Variants in CSMD1 observed in about 807,000 individuals in gnomAD.
CSMD1 encodes the protein CUB and sushi domain-containing protein 1.
In CSMD1, 213 loss-of-function variants were observed where a neutral mutation model predicts 417.5. That is an observed-to-expected ratio of 0.51 (90% confidence interval 0.46 to 0.57). The LOEUF (loss-of-function observed/expected upper bound fraction) is 0.57. CSMD1 is among the 20% of genes least tolerant of loss of function. CSMD1 has a pLI of 0.00. For missense variants in CSMD1, 6,923 were observed against 4,529.7 expected (o/e 1.53, Z -15.17); for synonymous variants, 2,862 against 1,736.8 (o/e 1.65, Z -16.11).
At chr8:3,241,518 CAGAG>C (rs1170361643) in intron 26 of CSMD1, among the ~76,000 whole-genome samples, 1 of 152,152 alleles carries the variant, frequency 6.6e-6, no homozygotes, top group African/African-American at 2.4e-5. Flanking sequence ...AGGAGTGAGT[CAGAG>C]AGTCTTGGGC....
chr8:3,157,651 G>A (rs116246997), intron 39 of CSMD1, among the ~76,000 whole-genome samples: 2 of 152,314 alleles, frequency 1.3e-5, no homozygotes, highest in Non-Finnish European at 2.9e-5. Context: ...GGCCGTGAGC[G>A]GGCAGTCTTG....
chr8:4,538,517 C>T (rs1797222503), intron 2 of CSMD1, among the ~76,000 whole-genome samples: 1 of 151,980 alleles, frequency 6.6e-6, no homozygotes, highest in Non-Finnish European at 1.5e-5. Context: ...GTGGCAGGTG[C>T]CTGTAATCCC....
chr8:4,319,757 C>G (rs1213909542), intron 3 of CSMD1, among the ~76,000 whole-genome samples: 2 of 152,136 alleles, frequency 1.3e-5, no homozygotes, highest in South Asian at 2.1e-4. Flanking sequence ...CCAAAGGCTG[C>G]TAGAGTTGCC....
intron 1 of CSMD1, among the ~76,000 whole-genome samples, chr8:4,764,895 C>CAAAAAAAAAAACAAAACAAAACAAAA (rs763804321): frequency 6.5e-5 from 2 of 30,572 alleles, no homozygotes; most frequent in Non-Finnish European, 1.2e-4. Context: ...AAAAAAAAAA[C>CAAAAAAAAAAACAAAACAAAACAAAA]AACAACAACA....
intron 3 of CSMD1, among the ~76,000 whole-genome samples, chr8:4,128,498 A>G (rs1802898265): frequency 1.3e-5 from 2 of 152,174 alleles, no homozygotes; most frequent in African/African-American, 4.8e-5. Flanking sequence ...AAACAACCAA[A>G]CAAACAAACA....
chr8:3,026,876 G>A (rs1469596062), intron 51 of CSMD1, among the ~76,000 whole-genome samples: 1 of 152,092 alleles, frequency 6.6e-6, no homozygotes, highest in East Asian at 1.9e-4. Context: ...CCCTTCCATA[G>A]AGGGTCTGCT....
chr8:2,987,477 T>C (rs1196479074), intron 54 of CSMD1, among the ~76,000 whole-genome samples: 2 of 150,124 alleles, frequency 1.3e-5, no homozygotes, highest in Non-Finnish European at 3.0e-5. Flanking sequence ...ATATAAGAAA[T>C]ACATAAAATG....
intron 1 of CSMD1, among the ~76,000 whole-genome samples, chr8:4,845,602 C>T (rs1359413118): frequency 6.6e-6 from 1 of 152,196 alleles, no homozygotes; most frequent in African/African-American, 2.4e-5. Context: ...GGGTTCCTAC[C>T]ATGTGCCAGG....
chr8:3,516,710 G>C (rs1797296781), intron 10 of CSMD1, among the ~76,000 whole-genome samples: 1 of 152,102 alleles, frequency 6.6e-6, no homozygotes, highest in African/African-American at 2.4e-5. Flanking sequence ...TTCTTTGGTG[G>C]AGATTTGTGA....
rs116007025 is a variant in CSMD1, at chr8:4,366,962, T to C, written c.415+52991A>G. Among the ~76,000 whole-genome samples, 781 of 152,292 alleles carry C rather than the reference T, an allele frequency of 5.1e-3. 8 individuals are homozygous for C. The highest frequency in any genetic ancestry group is 0.018 in the African/African-American group (749 of 41,570). On this transcript the variant is annotated intron_variant, in intron 3 of 69. Transcript: ENST00000635120. Reference sequence around the variant, plus strand: ...TGATATTACACCTTTGTTGGATGTGTACTCTGCAAATATTTTCTCCCATTC... The same window carrying C: ...TGATATTACACCTTTGTTGGATGTGCACTCTGCAAATATTTTCTCCCATTC...
intron 1 of CSMD1, among the ~76,000 whole-genome samples, chr8:4,981,824 G>A (rs1241767392): frequency 6.6e-6 from 1 of 152,086 alleles, no homozygotes; most frequent in Non-Finnish European, 1.5e-5. Flanking sequence ...ATGTGATTAT[G>A]TGTACAGGAT....
At chr8:3,354,677 T>C (rs1479367894) in intron 21 of CSMD1, among the ~76,000 whole-genome samples, 1 of 151,952 alleles carries the variant, frequency 6.6e-6, no homozygotes, top group Non-Finnish European at 1.5e-5. Context: ...GTTATTGGAT[T>C]AGCTTTTAAG....
At chr8:3,101,238 C>T (rs1815717722) in intron 46 of CSMD1, among the ~76,000 whole-genome samples, 1 of 152,146 alleles carries the variant, frequency 6.6e-6, no homozygotes, top group African/African-American at 2.4e-5. Flanking sequence ...CAGTAGGAAG[C>T]CATCTCCTCC....
intron 3 of CSMD1, among the ~76,000 whole-genome samples, chr8:4,388,577 A>C (rs921375945): frequency 2.0e-5 from 3 of 151,638 alleles, no homozygotes; most frequent in Non-Finnish European, 4.4e-5. Context: ...GTGATGGATA[A>C]AAGACTGCAA....
At chr8:3,213,851 C>T (rs1054210859) in intron 30 of CSMD1, among the ~76,000 whole-genome samples, 3 of 132,160 alleles carry the variant, frequency 2.3e-5, no homozygotes, top group African/African-American at 1.1e-4. Context: ...TGTGTATATA[C>T]ATACACATAT....
intron 2 of CSMD1, among the ~76,000 whole-genome samples, chr8:4,617,835 T>C (rs1164888740): frequency 6.6e-6 from 1 of 152,178 alleles, no homozygotes; most frequent in Non-Finnish European, 1.5e-5. Context: ...AGTATATTCA[T>C]TGGAAGAGAC....
At chr8:4,373,305 G>A (rs192113057) in intron 3 of CSMD1, among the ~76,000 whole-genome samples, 35 of 149,376 alleles carry the variant, frequency 2.3e-4, no homozygotes, top group East Asian at 5.8e-4. Flanking sequence ...GGGAACATTA[G>A]GTAATAACCA....
At chr8:3,415,356 C>T (rs77734623) in intron 12 of CSMD1, among the ~76,000 whole-genome samples, 1,985 of 150,488 alleles carry the variant, frequency 0.013, 46 homozygotes, top group East Asian at 0.096. Flanking sequence ...AACTTATTTA[C>T]ATGTTGCATT....
At chr8:4,910,529 G>A (rs1049773624) in intron 1 of CSMD1, among the ~76,000 whole-genome samples, 10 of 152,112 alleles carry the variant, frequency 6.6e-5, no homozygotes, top group Admixed American at 4.6e-4. Flanking sequence ...TGGTAAAAAC[G>A]ACAAGGAATC....
Sources: allele counts gnomAD v4.1 joint callset (sites outside exome capture counted in the v4.1 genomes callset), GRCh38; gene constraint gnomAD v4.1.1; transcripts MANE v1.5; gene names NCBI Gene and HGNC (gene_info 2026-07-23, HGNC 2026-07-21).